The following TMEM117 variants were observed in gnomAD, a reference collection of about 807,000 sequenced individuals.
TMEM117 encodes the protein transmembrane protein 117.
A neutral mutation model predicts 52.4 loss-of-function variants in TMEM117; 27 were observed. The ratio of observed to expected loss-of-function variants is 0.51; its 90% CI spans 0.38 to 0.71. The LOEUF (loss-of-function observed/expected upper bound fraction) is 0.71. TMEM117 is among the 30% of genes least tolerant of loss of function. The pLI is 0.00. For synonymous variants in TMEM117, 215 were observed against 206.3 expected (o/e 1.04, Z -0.36); for missense variants, 556 against 630.5 (o/e 0.88, Z 1.26).
the TMEM117 span, chr12:43,800,585 A>G: frequency 7.3e-7 from 1 of 1,360,896 alleles, no homozygotes; most frequent in South Asian, 1.2e-5. Context: ...ACATTACAAA[A>G]GCAAGCACAT....
At chr12:43,964,028 A>G (rs1482701197) in intron 3 of TMEM117, among the ~76,000 whole-genome samples, 1 of 152,158 alleles carries the variant, frequency 6.6e-6, no homozygotes, top group Non-Finnish European at 1.5e-5. Flanking sequence ...AGCAAATCCA[A>G]CATCTCAGTG....
chr12:44,301,538 C>T (rs1191141741), intron 6 of TMEM117, among the ~76,000 whole-genome samples: 2 of 152,104 alleles, frequency 1.3e-5, no homozygotes, highest in South Asian at 2.1e-4. Flanking sequence ...AATAACCCGG[C>T]CAAGCTAACT....
chr12:44,370,508 T>C (rs1207843345), intron 6 of TMEM117, among the ~76,000 whole-genome samples: 3 of 146,356 alleles, frequency 2.0e-5, no homozygotes, highest in Non-Finnish European at 4.5e-5. Flanking sequence ...AGAGATTCTT[T>C]TTTTTTTTTT....
intron 3 of TMEM117, among the ~76,000 whole-genome samples, chr12:44,064,475 T>G (rs1947190601): frequency 6.6e-6 from 1 of 152,208 alleles, no homozygotes; most frequent in South Asian, 2.1e-4. Context: ...TTATTCAGAT[T>G]GAAAGGATAT....
intron 4 of TMEM117, among the ~76,000 whole-genome samples, chr12:44,196,956 A>G (rs1294657491): frequency 6.6e-6 from 1 of 152,212 alleles, no homozygotes; most frequent in African/African-American, 2.4e-5. Context: ...CATCAAGCCT[A>G]TAGTTATCTT....
Position 44,372,589 on chromosome 12 carries a change from C to T in TMEM117, c.769-4006C>T, listed in dbSNP as rs1397212347. Among the ~76,000 whole-genome samples, 6 of 149,072 alleles carry T rather than the reference C, an allele frequency of 4.0e-5. No homozygotes were observed. In the South Asian group the frequency reaches 1.3e-3, roughly 31 times the overall value. On this transcript the variant is annotated intron_variant, in intron 6 of 7. Transcript: ENST00000266534. ...GGATAGTATGAATCAAATGACATCC[C>T]TGTGATGAAAAAAAAAAAAACAAAA...
At chr12:44,089,420 A>G (rs1437139167) in intron 3 of TMEM117, among the ~76,000 whole-genome samples, 1 of 152,110 alleles carries the variant, frequency 6.6e-6, no homozygotes, top group Non-Finnish European at 1.5e-5. Flanking sequence ...CTAGGAGGAG[A>G]AAGTCTCTGT....
At chr12:44,102,197 A>T (rs1464781966) in intron 3 of TMEM117, among the ~76,000 whole-genome samples, 1 of 152,076 alleles carries the variant, frequency 6.6e-6, no homozygotes, top group African/African-American at 2.4e-5. Flanking sequence ...ATCCTCCATT[A>T]ATATTGAGAA....
chr12:44,351,565 C>T (rs1398063928), intron 6 of TMEM117, among the ~76,000 whole-genome samples: 2 of 151,888 alleles, frequency 1.3e-5, no homozygotes, highest in Admixed American at 1.3e-4. Context: ...TAGTTTCATT[C>T]TTCTGCATAT....
chr12:43,839,717 C>A lies in TMEM117; in HGVS notation c.-29+3521C>A, dbSNP rs187069681. ...AAAGAAACTATCAGATGCATGGCAA[C>A]AGGACTTTGTCTGGTAGTTACCCTA... On this transcript the variant is annotated intron_variant, in intron 1 of 7. Coordinates refer to ENST00000266534, the MANE Select transcript of TMEM117 (RefSeq NM_032256.3). Among the ~76,000 whole-genome samples the A allele has an allele frequency of 5.7e-4, 87 of 152,338 alleles. 1 individual carries two copies. The highest frequency in any genetic ancestry group is 3.1e-4 in the Non-Finnish European group (21 of 68,040).
At chr12:44,042,847 T>C (rs1309431581) in intron 3 of TMEM117, among the ~76,000 whole-genome samples, 1 of 151,430 alleles carries the variant, frequency 6.6e-6, no homozygotes, top group Non-Finnish European at 1.5e-5. Flanking sequence ...CTGAGTAATA[T>C]TGATTTTGGT....
chr12:43,927,365 C>G (rs1944796462), intron 2 of TMEM117, among the ~76,000 whole-genome samples: 1 of 151,596 alleles, frequency 6.6e-6, no homozygotes, highest in Non-Finnish European at 1.5e-5. Context: ...TTGTTGCATG[C>G]AGGGTTCAAT....
intron 6 of TMEM117, among the ~76,000 whole-genome samples, chr12:44,351,608 A>C (rs1465710226): frequency 6.6e-6 from 1 of 151,938 alleles, no homozygotes; most frequent in Non-Finnish European, 1.5e-5. Context: ...CATTTATTGA[A>C]TAGACTATCT....
the TMEM117 span, among the ~76,000 whole-genome samples, chr12:43,813,231 G>GTTTTTTTTTTTTTTTTTTTTTTTT: frequency 4.8e-5 from 3 of 62,668 alleles, no homozygotes; most frequent in Non-Finnish European, 9.5e-5. Context: ...GTTTTCTCTT[G>GTTTTTTTTTTTTTTTTTTTTTTTT]TTTTTTTTTT....
intron 4 of TMEM117, among the ~76,000 whole-genome samples, chr12:44,196,576 T>A (rs1270993177): frequency 6.6e-6 from 1 of 152,204 alleles, no homozygotes; most frequent in Non-Finnish European, 1.5e-5. Context: ...CTTGATGTAA[T>A]CTTAAAAATA....
chr12:43,806,568 C>T, the TMEM117 span, among the ~76,000 whole-genome samples: 1 of 152,160 alleles, frequency 6.6e-6, no homozygotes, highest in African/African-American at 2.4e-5. Flanking sequence ...GCTCCGACGT[C>T]TGCTCTCTGA....
intron 3 of TMEM117, among the ~76,000 whole-genome samples, chr12:44,081,529 A>G (rs1947481313): frequency 6.6e-6 from 1 of 152,166 alleles, no homozygotes; most frequent in Non-Finnish European, 1.5e-5. Context: ...ATCCGTTTAT[A>G]CATTTAAAAA....
At chr12:43,934,514 T>C (rs1054035141) in intron 2 of TMEM117, among the ~76,000 whole-genome samples, 1 of 152,210 alleles carries the variant, frequency 6.6e-6, no homozygotes, top group Non-Finnish European at 1.5e-5. Context: ...CTTTTGAAAT[T>C]GACATTAACT....
At chr12:44,049,047 A>C (rs1366481017) in intron 3 of TMEM117, among the ~76,000 whole-genome samples, 1 of 151,778 alleles carries the variant, frequency 6.6e-6, no homozygotes, top group African/African-American at 2.4e-5. Flanking sequence ...CCTGGGTTAC[A>C]GCAATTCCAT....
Sources: allele counts gnomAD v4.1 joint callset (sites outside exome capture counted in the v4.1 genomes callset), GRCh38; gene constraint gnomAD v4.1.1; transcripts MANE v1.5; gene names NCBI Gene and HGNC (gene_info 2026-07-23, HGNC 2026-07-21).